GRIA1: variants seen among roughly 807,000 people sequenced by gnomAD.
GRIA1 encodes glutamate receptor 1.
In GRIA1, 31 loss-of-function variants were observed where a neutral mutation model predicts 99.2. The ratio of observed to expected loss-of-function variants is 0.31; its 90% CI spans 0.23 to 0.42. The LOEUF (loss-of-function observed/expected upper bound fraction) is 0.42, where lower values mean the gene tolerates loss of function less well. GRIA1 is among the 10% of genes least tolerant of loss of function. The pLI is 1.00. For synonymous variants in GRIA1, 438 were observed against 432.4 expected (o/e 1.01, Z -0.16); for missense variants, 782 against 1,157.5 (o/e 0.68, Z 4.71).
intron 2 of GRIA1, among the ~76,000 whole-genome samples, chr5:153,633,459 G>A (rs556152825): frequency 2.6e-5 from 4 of 152,184 alleles, no homozygotes; most frequent in African/African-American, 7.2e-5. Context: ...CGATTCAAAC[G>A]TTGGTGCAAA....
Position 153,698,028 on chromosome 5 carries a change from C to G in GRIA1, c.1135-16C>G, listed in dbSNP as rs1405074054. 8 of 1,470,872 alleles carry G rather than the reference C, an allele frequency of 5.4e-6. No homozygotes were observed. Among genetic ancestry groups the G allele is most frequent in the Non-Finnish European group, 5.7e-6 (6 of 1,050,108 alleles). The allele number at this position is 1,470,872 out of a possible 1,614,324, so 91.1% of individuals were successfully genotyped here. On this transcript the variant is annotated splice_polypyrimidine_tract_variant and intron_variant, in intron 8 of 15. Transcript: ENST00000285900. The stretch of plus-strand genomic sequence containing the variant: ...GGCTGGCCCACCTGACACCTCCACT[C>G]TCTTCTCATTAACAGATTGGTTACT...
chr5:153,744,765 TAC>T, intron 11 of GRIA1, among the ~76,000 whole-genome samples: 1 of 151,456 alleles, frequency 6.6e-6, no homozygotes, highest in East Asian at 1.9e-4. Context: ...ATTGAGACTG[TAC>T]AGTTATTAGG....
chr5:153,518,639 A>C (rs572406559), intron 2 of GRIA1, among the ~76,000 whole-genome samples: 2 of 152,372 alleles, frequency 1.3e-5, no homozygotes, highest in African/African-American at 4.8e-5. Context: ...CATGTACAAT[A>C]ATAGTAATAG....
intron 2 of GRIA1, among the ~76,000 whole-genome samples, chr5:153,515,468 C>T (rs543956343): frequency 2.0e-5 from 3 of 152,206 alleles, no homozygotes; most frequent in South Asian, 2.1e-4. Flanking sequence ...GTTGCAGAGG[C>T]TGGGGACTTG....
chr5:153,583,882 C>T (rs1763249942), intron 2 of GRIA1, among the ~76,000 whole-genome samples: 1 of 152,118 alleles, frequency 6.6e-6, no homozygotes, highest in African/African-American at 2.4e-5. Context: ...GACTGGGGCA[C>T]CAAGTATCAT....
intron 5 of GRIA1, among the ~76,000 whole-genome samples, chr5:153,665,406 T>C (rs1324436019): frequency 6.6e-6 from 1 of 152,138 alleles, no homozygotes; most frequent in Non-Finnish European, 1.5e-5. Flanking sequence ...ATTTATGGTG[T>C]TTTCACTGAT....
At chr5:153,667,652 T>C (rs980279445) in intron 5 of GRIA1, among the ~76,000 whole-genome samples, 2 of 152,220 alleles carry the variant, frequency 1.3e-5, no homozygotes, top group African/African-American at 4.8e-5. Flanking sequence ...GTGCTATATC[T>C]GCATTTTGAA....
intron 2 of GRIA1, among the ~76,000 whole-genome samples, chr5:153,646,239 A>T (rs1332056378): frequency 6.6e-6 from 1 of 152,226 alleles, no homozygotes; most frequent in African/African-American, 2.4e-5. Flanking sequence ...AGCTAGCAAG[A>T]TGTACAAGCA....
Position 153,764,479 on chromosome 5 carries a change from C to T in GRIA1, c.1869C>T (p.Thr623=). The part of the protein sequence containing the change: ...RIVGGVWWFF[T]LIIISSYTAN... The stretch of plus-strand genomic sequence containing the variant: ...TTGGTGGCGTCTGGTGGTTCTTCAC[C>T]TTAATCATCATCTCCTCATATACAG... Residue 623 remains threonine, a synonymous_variant, in exon 12 of 16, where the codon ACC becomes ACT. Coordinates refer to ENST00000285900, the MANE Select transcript of GRIA1 (RefSeq NM_000827.4). 1.2e-6 allele frequency: 2 copies of T among 1,614,048 alleles called. No individual in the cohort carries two copies. Among genetic ancestry groups the T allele is most frequent in the Non-Finnish European group, 1.7e-6 (2 of 1,179,938 alleles).
chr5:153,515,873 C>T (rs1356170156), intron 2 of GRIA1, among the ~76,000 whole-genome samples: 1 of 152,140 alleles, frequency 6.6e-6, no homozygotes, highest in East Asian at 1.9e-4. Context: ...CATTAAGTGT[C>T]TGAAGGGTGG....
At chr5:153,706,265 T>C in intron 11 of GRIA1, 198 bp downstream of exon 11, 2 of 602,910 alleles carry the variant, frequency 3.3e-6, no homozygotes, top group Non-Finnish European at 5.8e-6. Flanking sequence ...GGGCCATCTC[T>C]GTCTGCTCTC....
chr5:153,537,089 T>C (rs573505228), intron 2 of GRIA1, among the ~76,000 whole-genome samples: 3 of 152,264 alleles, frequency 2.0e-5, no homozygotes, highest in African/African-American at 7.2e-5. Context: ...ATAAAAGCAA[T>C]CGGACATCTT....
chr5:153,518,649 G>C (rs1046834554), intron 2 of GRIA1, among the ~76,000 whole-genome samples: 5 of 152,210 alleles, frequency 3.3e-5, no homozygotes, highest in African/African-American at 9.7e-5. Flanking sequence ...AATAGTAATA[G>C]TGGCCAAACT....
chr5:153,616,575 C>A (rs986691340), intron 2 of GRIA1, among the ~76,000 whole-genome samples: 3 of 152,164 alleles, frequency 2.0e-5, no homozygotes, highest in African/African-American at 7.2e-5. Flanking sequence ...GGCTCACAGG[C>A]CACAGGTTGG....
At chr5:153,719,745 G>A (rs780558582) in intron 11 of GRIA1, among the ~76,000 whole-genome samples, 2 of 152,116 alleles carry the variant, frequency 1.3e-5, no homozygotes, top group Non-Finnish European at 2.9e-5. Flanking sequence ...GGTCAGCATC[G>A]CATTGTAAGG....
chr5:153,512,867 G>T (rs1209765541), intron 2 of GRIA1, among the ~76,000 whole-genome samples: 1 of 152,126 alleles, frequency 6.6e-6, no homozygotes, highest in African/African-American at 2.4e-5. Context: ...GATGGTAGTG[G>T]GTTTAGCTGT....
intron 2 of GRIA1, among the ~76,000 whole-genome samples, chr5:153,539,313 C>T (rs868598665): frequency 8.5e-5 from 13 of 152,144 alleles, no homozygotes; most frequent in Non-Finnish European, 1.8e-4. Flanking sequence ...GCATTCATAG[C>T]GTTCTGAGCC....
chr5:153,729,131 A>G (rs1760813061), intron 11 of GRIA1, among the ~76,000 whole-genome samples: 1 of 151,150 alleles, frequency 6.6e-6, no homozygotes, highest in South Asian at 2.1e-4. Context: ...AACTATCACA[A>G]GAACAAAAAA....
chr5:153,724,288 G>T (rs1355542695), intron 11 of GRIA1, among the ~76,000 whole-genome samples: 5 of 106,558 alleles, frequency 4.7e-5, no homozygotes. Context: ...AAACCACAAA[G>T]ATGGGGAAAA....
Sources: allele counts gnomAD v4.1 joint callset (sites outside exome capture counted in the v4.1 genomes callset), GRCh38; gene constraint gnomAD v4.1.1; transcripts MANE v1.5; gene names NCBI Gene and HGNC (gene_info 2026-07-23, HGNC 2026-07-21).